The following PXDN variants were observed in gnomAD, a reference collection of about 807,000 sequenced individuals.
The protein encoded by PXDN is peroxidasin.
Under a neutral mutation model 140.3 loss-of-function variants are expected in PXDN, and 77 were observed. The observed-to-expected ratio is 0.55, with a 90% CI of 0.46 to 0.66. The LOEUF is 0.66. PXDN is among the 30% of genes least tolerant of loss of function. The pLI, the probability that PXDN is intolerant of heterozygous loss-of-function variation, is 0.00. For missense variants in PXDN, 1,838 were observed against 2,039.5 expected (o/e 0.90, Z 1.90); for synonymous variants, 911 against 857.4 (o/e 1.06, Z -1.09).
At chr2:1,657,891 C>A (rs1250818910) in intron 14 of PXDN, among the ~76,000 whole-genome samples, 2 of 150,160 alleles carry the variant, frequency 1.3e-5, no homozygotes, top group East Asian at 3.9e-4. Flanking sequence ...CCGAAACCTG[C>A]CCCTCCTGAC....
At chr2:1,710,026 C>T (rs922320344) in intron 1 of PXDN, among the ~76,000 whole-genome samples, 14 of 152,178 alleles carry the variant, frequency 9.2e-5, no homozygotes, top group East Asian at 3.9e-4. Flanking sequence ...AAGCCCTTCC[C>T]GCCACCCAGC....
intron 8 of PXDN, among the ~76,000 whole-genome samples, chr2:1,675,696 T>TCTCTTCTATAA (rs1243629530): frequency 6.6e-6 from 1 of 152,156 alleles, no homozygotes; most frequent in African/African-American, 2.4e-5. Context: ...CTCCTGTCCA[T>TCTCTTCTATAA]CTCTTCTATA....
intron 6 of PXDN, 147 bp downstream of exon 6, chr2:1,683,509 G>A: frequency 2.6e-6 from 2 of 771,598 alleles, no homozygotes; most frequent in Non-Finnish European, 4.0e-6. Context: ...CTCTCTAATG[G>A]ATTCAATCCA....
At chr2:1,703,033 G>GTA (rs1684477134) in intron 1 of PXDN, among the ~76,000 whole-genome samples, 1 of 59,218 alleles carries the variant, frequency 1.7e-5, no homozygotes. Flanking sequence ...CCAGGTGAAG[G>GTA]GGGGGCAGCT....
At chr2:1,706,333 G>GT (rs1414640830) in intron 1 of PXDN, among the ~76,000 whole-genome samples, 1 of 152,216 alleles carries the variant, frequency 6.6e-6, no homozygotes, top group Non-Finnish European at 1.5e-5. Context: ...AGCAAGTGCA[G>GT]TAACAACTGT....
chr2:1,658,424 C>A lies in PXDN; in HGVS notation c.1837+2457G>T, dbSNP rs998418424. Among the ~76,000 whole-genome samples, 26 of 152,062 alleles carry A rather than the reference C, an allele frequency of 1.7e-4. No homozygotes were observed. The East Asian group carries it at 4.7e-3, about 27-fold the overall frequency. Reference sequence around the variant, plus strand: ...GGTGACACTGACAGAGCCCAGCAGTCCCCCCACAGTGCAAGCCAACTACTG... The same window carrying A: ...GGTGACACTGACAGAGCCCAGCAGTACCCCCACAGTGCAAGCCAACTACTG... On this transcript the variant is annotated intron_variant, in intron 14 of 22. Coordinates refer to ENST00000252804, the MANE Select transcript of PXDN (RefSeq NM_012293.3).
chr2:1,693,113 G>T lies in PXDN; in HGVS notation c.222C>A (p.Ile74=). Residue 74 remains isoleucine, a synonymous_variant, in exon 2 of 23, where the codon ATC becomes ATA. Transcript: ENST00000252804. ...TSILDLRFNR[I]REIQPGAFRR... is the part of the protein sequence containing the mutation. Reference sequence around the variant, plus strand: ...TGAATGCCCCAGGTTGGATCTCTCTGATTCTGTTAAAGCGAAGATCTCTGT... The same window carrying T: ...TGAATGCCCCAGGTTGGATCTCTCTTATTCTGTTAAAGCGAAGATCTCTGT... 1 of 1,557,744 alleles carries T rather than the reference G, an allele frequency of 6.4e-7. No homozygotes were observed. The highest frequency in any genetic ancestry group is 2.4e-5 in the East Asian group (1 of 42,272).
chr2:1,647,250 TG>T (rs1457169774), intron 17 of PXDN, among the ~76,000 whole-genome samples: 3 of 151,814 alleles, frequency 2.0e-5, no homozygotes, highest in African/African-American at 4.8e-5. Context: ...AGAAATAACA[TG>T]AAAAAAAAGG....
chr2:1,731,709 G>A (rs144242563), intron 1 of PXDN, among the ~76,000 whole-genome samples: 5 of 152,254 alleles, frequency 3.3e-5, no homozygotes, highest in South Asian at 2.1e-4. Flanking sequence ...CACAAAACAC[G>A]CAGCTATCCC....
At chr2:1,674,967 C>G (rs1021822811) in intron 8 of PXDN, among the ~76,000 whole-genome samples, 8 of 152,212 alleles carry the variant, frequency 5.3e-5, no homozygotes, top group African/African-American at 1.9e-4. Flanking sequence ...TGACCGCCCT[C>G]AGAAACCTGC....
At chr2:1,656,745 GC>G (rs1250729787) in intron 14 of PXDN, among the ~76,000 whole-genome samples, 1 of 127,822 alleles carries the variant, frequency 7.8e-6, no homozygotes, top group Admixed American at 9.4e-5. Context: ...ACAGGGACCT[GC>G]CCCCTCAGTA....
chr2:1,654,689 A>G (rs1336782191), intron 14 of PXDN, among the ~76,000 whole-genome samples, 181 bp from the exon 15 acceptor site: 2 of 152,236 alleles, frequency 1.3e-5, no homozygotes, highest in Admixed American at 6.5e-5. Flanking sequence ...TTCAGACAGC[A>G]TGAAAATTAC....
chr2:1,676,818 G>T, intron 8 of PXDN, 109 bp downstream of exon 8: 1 of 1,002,532 alleles, frequency 1.0e-6, no homozygotes, highest in Non-Finnish European at 1.5e-6. Flanking sequence ...TTCCCTACGT[G>T]GAGGAGGAAA....
At chr2:1,669,941 A>T (rs1053143750) in intron 9 of PXDN, 1 of 152,174 alleles carries the variant, frequency 6.6e-6, no homozygotes, top group Non-Finnish European at 1.5e-5. Context: ...AAGCTCCAAA[A>T]ATCATTATTT....
At chr2:1,728,492 G>A (rs1685241145) in intron 1 of PXDN, among the ~76,000 whole-genome samples, 1 of 152,314 alleles carries the variant, frequency 6.6e-6, no homozygotes, top group South Asian at 2.1e-4. Context: ...CGCAGAATGG[G>A]GAAAAATCGG....
chr2:1,653,448 T>G, intron 16 of PXDN, 180 bp downstream of exon 16: 1 of 956,256 alleles, frequency 1.0e-6, no homozygotes, highest in South Asian at 1.4e-5. Flanking sequence ...TAAACCAAAG[T>G]GAGAGCGACA....
intron 14 of PXDN, among the ~76,000 whole-genome samples, chr2:1,655,082 C>T (rs1683098704): frequency 6.6e-6 from 1 of 150,622 alleles, no homozygotes. Flanking sequence ...CACACACCAC[C>T]TACATAGAAC....
At chr2:1,656,931 C>T (rs1325374815) in intron 14 of PXDN, among the ~76,000 whole-genome samples, 1 of 147,392 alleles carries the variant, frequency 6.8e-6, no homozygotes, top group Non-Finnish European at 1.5e-5. Context: ...CCCCTCCTGA[C>T]AGAAACCTGT....
In PXDN at chr2:1,663,725, A is replaced by T. The variant is rs1314539287; in HGVS notation, c.1447T>A (p.Ser483Thr). ...CCAGAGATTCTAAGTGTTCCCGATG[A>T]CAGGACCAGGTGCCGCCGGTCCACG... is the stretch of plus-strand genomic sequence containing the variant. ...LSVDRRHLVL[S>T]SGTLRISGVA... Residue 483 changes from serine (S) to threonine (T), a missense_variant, in exon 12 of 23, where the codon TCA (serine) becomes ACA (threonine). Physicochemically the swap from Ser to Thr is moderately conservative, Grantham distance 58. Transcript: ENST00000252804. 6.2e-7 allele frequency: 1 copy of T among 1,613,432 alleles called. No homozygotes were observed. Among genetic ancestry groups the T allele is most frequent in the African/African-American group, 1.3e-5 (1 of 74,916 alleles).
Sources: gnomAD v4.1 joint callset for allele counts (sites outside exome capture counted in the v4.1 genomes callset) on GRCh38, gnomAD v4.1.1 for gene constraint, MANE v1.5 for transcripts, NCBI Gene and HGNC (gene_info 2026-07-23, HGNC 2026-07-21) for gene names.